TRABD2B: variants seen among roughly 807,000 people sequenced by gnomAD.
The protein encoded by TRABD2B is metalloprotease TIKI2.
TRABD2B carries 14 observed loss-of-function variants against 40.1 expected under a neutral mutation model. That is an observed-to-expected ratio of 0.35 (90% confidence interval 0.23 to 0.55). The LOEUF (loss-of-function observed/expected upper bound fraction) is 0.55, where lower values mean the gene tolerates loss of function less well. TRABD2B is among the 20% of genes least tolerant of loss of function. The pLI is 0.90. For synonymous variants in TRABD2B, 263 were observed against 277.0 expected (o/e 0.95, Z 0.50); for missense variants, 541 against 648.6 (o/e 0.83, Z 1.80).
chr1:47,833,603 T>G (rs548075312), intron 2 of TRABD2B, among the ~76,000 whole-genome samples: 4 of 152,230 alleles, frequency 2.6e-5, no homozygotes, highest in African/African-American at 9.6e-5. Context: ...TAGTAACATT[T>G]ACCTGTTTTT....
At chr1:47,789,854 T>C (rs954769840) in intron 4 of TRABD2B, among the ~76,000 whole-genome samples, 17 of 151,896 alleles carry the variant, frequency 1.1e-4, no homozygotes, top group Admixed American at 3.3e-4. Flanking sequence ...TTATCATTTT[T>C]CCCCCCTCTC....
intron 2 of TRABD2B, among the ~76,000 whole-genome samples, chr1:47,924,839 G>A (rs1644949463): frequency 2.0e-5 from 3 of 152,184 alleles, no homozygotes; most frequent in Admixed American, 2.0e-4. Flanking sequence ...CTGGGGATGG[G>A]AAAGGTGCAG....
At chr1:47,928,313 C>T (rs1185552011) in intron 2 of TRABD2B, among the ~76,000 whole-genome samples, 2 of 152,206 alleles carry the variant, frequency 1.3e-5, no homozygotes, top group Non-Finnish European at 2.9e-5. Flanking sequence ...AGGAAGAAAG[C>T]TAACTAATTT....
At chr1:47,868,739 A>C (rs1644096263) in intron 2 of TRABD2B, among the ~76,000 whole-genome samples, 1 of 152,276 alleles carries the variant, frequency 6.6e-6, no homozygotes, top group South Asian at 2.1e-4. Flanking sequence ...CCCTGGTGCC[A>C]AAAAGGTTGG....
intron 2 of TRABD2B, among the ~76,000 whole-genome samples, chr1:47,957,070 C>T (rs1645435184): frequency 6.6e-6 from 1 of 152,242 alleles, no homozygotes; most frequent in Non-Finnish European, 1.5e-5. Context: ...TCTGTAGCCT[C>T]TGCTGGTGAC....
At chr1:47,927,811 T>C (rs1251939088) in intron 2 of TRABD2B, among the ~76,000 whole-genome samples, 4 of 152,208 alleles carry the variant, frequency 2.6e-5, no homozygotes, top group African/African-American at 9.7e-5. Flanking sequence ...GATCTTTGCA[T>C]AGAAACTGAA....
chr1:47,915,589 A>G (rs563771763), intron 2 of TRABD2B, among the ~76,000 whole-genome samples: 1 of 152,344 alleles, frequency 6.6e-6, no homozygotes, highest in East Asian at 1.9e-4. Flanking sequence ...ATAAGAGGCC[A>G]GGCAGGGATT....
At chr1:47,782,278 A>C (rs796815254) in intron 4 of TRABD2B, among the ~76,000 whole-genome samples, 39 of 152,310 alleles carry the variant, frequency 2.6e-4, no homozygotes, top group African/African-American at 9.4e-4. Context: ...TCATACGATC[A>C]GTTCCCAGAG....
At chr1:47,892,138 T>C (rs1336042825) in intron 2 of TRABD2B, among the ~76,000 whole-genome samples, 5 of 152,118 alleles carry the variant, frequency 3.3e-5, no homozygotes, top group Non-Finnish European at 7.4e-5. Context: ...CACGCAATTG[T>C]GGTGGTGGCT....
chr1:47,834,231 A>G (rs1645288104), intron 2 of TRABD2B, among the ~76,000 whole-genome samples: 1 of 152,214 alleles, frequency 6.6e-6, no homozygotes, highest in Admixed American at 6.5e-5. Flanking sequence ...CGTTTGTTGC[A>G]GACAATCAGA....
intron 2 of TRABD2B, among the ~76,000 whole-genome samples, chr1:47,852,173 A>C (rs1369300000): frequency 3.9e-5 from 6 of 152,150 alleles, no homozygotes; most frequent in Non-Finnish European, 8.8e-5. Context: ...GCTCCCGAGA[A>C]ACCTCCGGGG....
At chr1:47,966,291 G>C (rs539774489) in intron 2 of TRABD2B, among the ~76,000 whole-genome samples, 1 of 152,102 alleles carries the variant, frequency 6.6e-6, no homozygotes, top group Non-Finnish European at 1.5e-5. Context: ...GCCTGGCCAC[G>C]CTTGTCAGTA....
At chr1:47,991,336 T>C (rs189355850) in intron 2 of TRABD2B, among the ~76,000 whole-genome samples, 155 of 152,262 alleles carry the variant, frequency 1.0e-3, no homozygotes, top group African/African-American at 3.5e-3. Context: ...TCCTATGGAA[T>C]GTCAGGGCTA....
chr1:47,840,195 A>C (rs1488896185), intron 2 of TRABD2B, among the ~76,000 whole-genome samples: 1 of 152,148 alleles, frequency 6.6e-6, no homozygotes, highest in Non-Finnish European at 1.5e-5. Flanking sequence ...GGGGAAGTTA[A>C]GCACGCTCAC....
chr1:47,956,951 C>T (rs1645432910), intron 2 of TRABD2B, among the ~76,000 whole-genome samples: 1 of 152,358 alleles, frequency 6.6e-6, no homozygotes, highest in African/African-American at 2.4e-5. Context: ...TGGGAGGCAC[C>T]TCCCACTAGG....
In TRABD2B at chr1:47,990,918, C is replaced by T. The variant is rs563080348; in HGVS notation, c.666+3116G>A. 2.8e-4 allele frequency among the ~76,000 whole-genome samples: 42 copies of T among 148,026 alleles called. No individual in the cohort carries two copies. In the South Asian group the frequency reaches 8.7e-3, roughly 31 times the overall value. Reference sequence around the variant, plus strand: ...CCAGCCCACTGTGCTGAGCTGTCTACAATACAACAAGAAAACCTTCAGAGA... The same window carrying T: ...CCAGCCCACTGTGCTGAGCTGTCTATAATACAACAAGAAAACCTTCAGAGA... On this transcript the variant is annotated intron_variant, in intron 2 of 6. Transcript: ENST00000606738.
intron 2 of TRABD2B, among the ~76,000 whole-genome samples, chr1:47,806,250 G>C (rs1262705635): frequency 6.6e-6 from 1 of 152,170 alleles, no homozygotes; most frequent in Non-Finnish European, 1.5e-5. Context: ...AGATTAATTG[G>C]ACTTGGCTTC....
chr1:47,843,306 T>C (rs1377624131), intron 2 of TRABD2B, among the ~76,000 whole-genome samples: 1 of 152,122 alleles, frequency 6.6e-6, no homozygotes, highest in African/African-American at 2.4e-5. Context: ...GGGACCCTGG[T>C]CCAGCGGCTT....
At chr1:47,980,358 T>C (rs573790420) in intron 2 of TRABD2B, among the ~76,000 whole-genome samples, 9 of 152,258 alleles carry the variant, frequency 5.9e-5, no homozygotes, top group African/African-American at 1.9e-4. Flanking sequence ...ATTGAGTATA[T>C]GCAACAGCAA....
Sources: allele counts gnomAD v4.1 joint callset (sites outside exome capture counted in the v4.1 genomes callset), GRCh38; gene constraint gnomAD v4.1.1; transcripts MANE v1.5; gene names NCBI Gene and HGNC (gene_info 2026-07-23, HGNC 2026-07-21).